SPTLC1: variants seen among roughly 807,000 people sequenced by gnomAD.
SPTLC1 encodes serine palmitoyltransferase 1.
SPTLC1 carries 55 observed loss-of-function variants against 68.9 expected under a neutral mutation model. The observed-to-expected ratio is 0.80, with a 90% CI of 0.64 to 1.00. The LOEUF (loss-of-function observed/expected upper bound fraction) is 1.00. Among genes scored for constraint, SPTLC1 ranks in the 50% least tolerant of loss-of-function variants. The pLI is 0.00. For missense variants in SPTLC1, 449 were observed against 573.1 expected (o/e 0.78, Z 2.21); for synonymous variants, 197 against 201.6 (o/e 0.98, Z 0.19).
intron 12 of SPTLC1, among the ~76,000 whole-genome samples, chr9:92,044,518 G>GT (rs1328952878): frequency 6.6e-6 from 1 of 152,238 alleles, no homozygotes; most frequent in African/African-American, 2.4e-5. Flanking sequence ...AGCTGCCAGT[G>GT]TAAGTGAAGA....
intron 12 of SPTLC1, among the ~76,000 whole-genome samples, chr9:92,045,386 T>A: frequency 1.4e-5 from 2 of 148,092 alleles, no homozygotes. Flanking sequence ...TCTTAAAGAG[T>A]GACTCTTCTA....
chr9:92,102,306 A>C (rs2118791559), intron 3 of SPTLC1, among the ~76,000 whole-genome samples: 1 of 152,388 alleles, frequency 6.6e-6, no homozygotes, highest in South Asian at 2.1e-4. Context: ...CAAGTGAAAG[A>C]ATACTAATGC....
intron 5 of SPTLC1, chr9:92,070,318 A>G (rs1441145207): frequency 6.6e-6 from 1 of 152,236 alleles, no homozygotes; most frequent in Non-Finnish European, 1.5e-5. Context: ...GAAGGCAGCA[A>G]GCAGGAAAAC....
chr9:92,049,647 A>G (rs917967337), intron 9 of SPTLC1, among the ~76,000 whole-genome samples: 1 of 152,242 alleles, frequency 6.6e-6, no homozygotes, highest in Non-Finnish European at 1.5e-5. Flanking sequence ...AATGATTTTA[A>G]GAAATAATTG....
chr9:92,032,793 G>A (rs903598795), intron 14 of SPTLC1, among the ~76,000 whole-genome samples: 2 of 151,492 alleles, frequency 1.3e-5, no homozygotes, highest in African/African-American at 4.9e-5. Flanking sequence ...GGAGAATGGC[G>A]TGAACCTGGG....
intron 5 of SPTLC1, among the ~76,000 whole-genome samples, chr9:92,076,536 C>T (rs1834688050): frequency 6.6e-6 from 1 of 152,188 alleles, no homozygotes; most frequent in African/African-American, 2.4e-5. Context: ...CAAGCTTACT[C>T]TATCCTCTCC....
At chr9:92,080,738 C>A (rs1834851539) in intron 4 of SPTLC1, 132 bp downstream of exon 4, 2 of 736,394 alleles carry the variant, frequency 2.7e-6, no homozygotes, top group South Asian at 3.0e-5. Context: ...TGGGGTTTCA[C>A]CATGTTGGCC....
intron 5 of SPTLC1, among the ~76,000 whole-genome samples, chr9:92,078,641 C>T (rs1036128869): frequency 2.0e-5 from 3 of 152,148 alleles, no homozygotes; most frequent in African/African-American, 7.2e-5. Flanking sequence ...TTCTTGTAAA[C>T]ACGGGGTCTC....
At chr9:92,109,610 C>A (rs1044295910) in intron 2 of SPTLC1, 4 of 152,268 alleles carry the variant, frequency 2.6e-5, no homozygotes, top group Non-Finnish European at 5.9e-5. Context: ...TTTATAGTCA[C>A]AGGCTTTCAT....
intron 3 of SPTLC1, among the ~76,000 whole-genome samples, chr9:92,095,399 T>C (rs1835494691): frequency 6.6e-6 from 1 of 152,156 alleles, no homozygotes; most frequent in African/African-American, 2.4e-5. Context: ...AATATTAGGT[T>C]CATGAGGGAA....
intron 3 of SPTLC1, among the ~76,000 whole-genome samples, chr9:92,092,657 C>T (rs1196739527): frequency 6.6e-6 from 1 of 152,120 alleles, no homozygotes; most frequent in Non-Finnish European, 1.5e-5. Flanking sequence ...ATGGCTTGAA[C>T]CTGGGAGGCA....
rs1166758602 is a variant in SPTLC1, at chr9:92,097,454, T to C, written c.260+11286A>G. 2.6e-5 allele frequency among the ~76,000 whole-genome samples: 4 copies of C among 152,254 alleles called. No individual in the cohort carries two copies. The East Asian group carries it at 7.7e-4, about 29-fold the overall frequency. On this transcript the variant is annotated intron_variant, in intron 3 of 14. Coordinates refer to ENST00000262554, the MANE Select transcript of SPTLC1 (RefSeq NM_006415.4). ...AATTGTGCATCAACTGATTAATGTA[T>C]AAACAAAATGTGTGTATCCATACAC...
intron 3 of SPTLC1, among the ~76,000 whole-genome samples, chr9:92,085,438 AGT>A (rs1835083695): frequency 2.0e-5 from 3 of 151,270 alleles, no homozygotes; most frequent in African/African-American, 7.4e-5. Flanking sequence ...CCTGGTATGT[AGT>A]GTCTTTGTTC....
chr9:92,032,062 A>T lies in SPTLC1; in HGVS notation c.*403T>A. 1 of 467,546 alleles carries T rather than the reference A, an allele frequency of 2.1e-6. No homozygotes were observed. Among genetic ancestry groups the T allele is most frequent in the African/African-American group, 2.0e-5 (1 of 50,600 alleles). The allele number at this position is 467,546 out of a possible 1,614,324, so 29.0% of individuals were successfully genotyped here. A position where few individuals can be genotyped will look rare whatever the true frequency, so the allele number is the denominator to read the frequency against. On this transcript the variant is annotated 3_prime_UTR_variant, in exon 15 of 15. Transcript: ENST00000262554. The stretch of plus-strand genomic sequence containing the variant: ...GCTTTAATGTTGCAGTCATTTTTCT[A>T]TGAAATACTAAGGAGTTAAGGAGTG...
chr9:92,102,213 T>C (rs1373625998), intron 3 of SPTLC1, among the ~76,000 whole-genome samples: 1 of 152,146 alleles, frequency 6.6e-6, no homozygotes, highest in African/African-American at 2.4e-5. Flanking sequence ...AGAAATAAAG[T>C]CTTTCCCAGA....
chr9:92,068,531 TAG>T (rs763412132), intron 5 of SPTLC1, among the ~76,000 whole-genome samples: 1 of 152,220 alleles, frequency 6.6e-6, no homozygotes, highest in Admixed American at 6.5e-5. Context: ...TGACACTTAC[TAG>T]AACTCCAGTA....
At chr9:92,050,938 A>G (rs1370551791) in intron 8 of SPTLC1, 3 of 970,512 alleles carry the variant, frequency 3.1e-6, no homozygotes, top group Non-Finnish European at 3.7e-6. Context: ...TCCGCCACCC[A>G]AAGTGTTGGG....
Position 92,032,295 on chromosome 9 carries a change from T to C in SPTLC1, c.*170A>G. The C allele has an allele frequency of 6.5e-7, 1 of 1,534,182 alleles. No homozygotes were observed. Among genetic ancestry groups the C allele is most frequent in the Non-Finnish European group, 8.7e-7 (1 of 1,145,816 alleles). ...AGATGTGTTTTCTTTTTAAAAAAAA[T>C]AAGCATCCTTCTCATGGTCACACAA... On this transcript the variant is annotated 3_prime_UTR_variant, in exon 15 of 15. Transcript: ENST00000262554.
intron 8 of SPTLC1, among the ~76,000 whole-genome samples, chr9:92,051,725 C>T (rs1205532908): frequency 6.6e-6 from 1 of 152,060 alleles, no homozygotes; most frequent in African/African-American, 2.4e-5. Context: ...ATAAGATCCA[C>T]AAAAGTATTA....
Sources: gnomAD v4.1 joint callset for allele counts (sites outside exome capture counted in the v4.1 genomes callset) on GRCh38, gnomAD v4.1.1 for gene constraint, MANE v1.5 for transcripts, NCBI Gene and HGNC (gene_info 2026-07-23, HGNC 2026-07-21) for gene names.